The following METTL25 variants were observed in gnomAD, a reference collection of about 807,000 sequenced individuals.
METTL25 encodes the protein methyltransferase like 25, also known as probable methyltransferase-like protein 25.
In METTL25, 64 loss-of-function variants were observed where a neutral mutation model predicts 71.6. The observed-to-expected ratio is 0.89, with a 90% CI of 0.73 to 1.10. METTL25 has a LOEUF of 1.10. Ranked by LOEUF, METTL25 falls within the 50% of genes least tolerant of loss-of-function variation. The pLI, the probability that METTL25 is intolerant of heterozygous loss-of-function variation, is 0.00. For synonymous variants in METTL25, 287 were observed against 250.3 expected (o/e 1.15, Z -1.38); for missense variants, 807 against 707.0 (o/e 1.14, Z -1.60).
At chr12:82,401,559 G>C (rs376838333) in intron 4 of METTL25, among the ~76,000 whole-genome samples, 1 of 151,904 alleles carries the variant, frequency 6.6e-6, no homozygotes, top group East Asian at 1.9e-4. Flanking sequence ...ATTTAGACAG[G>C]CTTTTTCCCG....
At chr12:82,434,012 TGTGA>T (rs567408361) in intron 6 of METTL25, among the ~76,000 whole-genome samples, 16 of 151,202 alleles carry the variant, frequency 1.1e-4, no homozygotes, top group Admixed American at 3.3e-4. Context: ...TATTTTGAAG[TGTGA>T]GTATTTATTA....
At chr12:82,441,614 G>A (rs1435710421) in intron 8 of METTL25, among the ~76,000 whole-genome samples, 4 of 151,634 alleles carry the variant, frequency 2.6e-5, no homozygotes, top group Non-Finnish European at 5.9e-5. Flanking sequence ...AACACAGTAC[G>A]AGTCCCCCGG....
intron 1 of METTL25, among the ~76,000 whole-genome samples, chr12:82,360,975 G>A (rs1350275480): frequency 6.6e-6 from 1 of 152,194 alleles, no homozygotes; most frequent in Admixed American, 6.5e-5. Context: ...CAAACGCAGT[G>A]TGGACCCAAA....
intron 1 of METTL25, among the ~76,000 whole-genome samples, chr12:82,368,991 C>T (rs1882890740): frequency 6.6e-6 from 1 of 152,218 alleles, no homozygotes; most frequent in African/African-American, 2.4e-5. Flanking sequence ...GTATTATCAA[C>T]ACTTCTCTTG....
chr12:82,422,604 T>C (rs962886133), intron 5 of METTL25, among the ~76,000 whole-genome samples: 10 of 152,140 alleles, frequency 6.6e-5, no homozygotes, highest in African/African-American at 2.4e-4. Context: ...GGAAGTCAAA[T>C]TGTCCCTGTT....
intron 5 of METTL25, among the ~76,000 whole-genome samples, chr12:82,408,317 G>A (rs1887260755): frequency 6.6e-6 from 1 of 151,994 alleles, no homozygotes; most frequent in Non-Finnish European, 1.5e-5. Flanking sequence ...ACTCAAAAGG[G>A]CCTAGGAGTG....
chr12:82,464,953 A>C (rs1289971133), intron 9 of METTL25, among the ~76,000 whole-genome samples: 1 of 151,572 alleles, frequency 6.6e-6, no homozygotes, highest in African/African-American at 2.4e-5. Context: ...TGTTGATTTT[A>C]TGTTCTGCAA....
At chr12:82,439,911 A>G (rs1202915011) in intron 8 of METTL25, 6 of 734,504 alleles carry the variant, frequency 8.2e-6, no homozygotes, top group African/African-American at 1.9e-5. Flanking sequence ...GTTCTTTTCT[A>G]AACCTTTCTT....
chr12:82,466,332 G>GT (rs34191300), intron 9 of METTL25, among the ~76,000 whole-genome samples: 20 of 144,542 alleles, frequency 1.4e-4, no homozygotes, highest in African/African-American at 3.3e-4. Flanking sequence ...TTCATTCTTA[G>GT]TTTTTTTTTT....
chr12:82,395,102 A>T (rs1048966496), intron 3 of METTL25, among the ~76,000 whole-genome samples: 4 of 152,136 alleles, frequency 2.6e-5, no homozygotes, highest in Non-Finnish European at 5.9e-5. Context: ...CCACTGGATC[A>T]TTCTTTCTAC....
chr12:82,417,876 G>A lies in METTL25; in HGVS notation c.1280-13017G>A, dbSNP rs7307321. On this transcript the variant is annotated intron_variant, in intron 5 of 11. Coordinates refer to ENST00000248306, the MANE Select transcript of METTL25 (RefSeq NM_032230.3). ...CGTTGAGCAGACAGTTGAAAGATGA[G>A]GGAGCAAGCCATGCAGCTGTCTTGG... is the stretch of plus-strand genomic sequence containing the variant. Among the ~76,000 whole-genome samples the A allele has an allele frequency of 2.9e-3, 444 of 152,206 alleles. 4 individuals carry two copies. The highest frequency in any genetic ancestry group is 0.01 in the African/African-American group (418 of 41,538).
chr12:82,436,052 T>C (rs1337890801), intron 7 of METTL25, among the ~76,000 whole-genome samples: 2 of 151,328 alleles, frequency 1.3e-5, no homozygotes, highest in Non-Finnish European at 3.0e-5. Context: ...ACTTAATGGT[T>C]TTCTAGAGGT....
chr12:82,382,183 T>C (rs1245444610), intron 1 of METTL25, among the ~76,000 whole-genome samples: 1 of 152,178 alleles, frequency 6.6e-6, no homozygotes, highest in African/African-American at 2.4e-5. Context: ...CTGTAGGACA[T>C]TTATGCAGGA....
chr12:82,421,954 A>C (rs1331384364), intron 5 of METTL25, among the ~76,000 whole-genome samples: 1 of 152,228 alleles, frequency 6.6e-6, no homozygotes, highest in Admixed American at 6.5e-5. Context: ...TCACAGCCGA[A>C]TTCTACCAGA....
intron 1 of METTL25, among the ~76,000 whole-genome samples, chr12:82,369,862 G>A (rs1201149792): frequency 3.3e-5 from 5 of 152,122 alleles, no homozygotes; most frequent in South Asian, 2.1e-4. Context: ...TGATTGGTGC[G>A]TTTACAATCC....
chr12:82,404,045 T>G (rs574157692), intron 5 of METTL25, among the ~76,000 whole-genome samples: 32 of 152,264 alleles, frequency 2.1e-4, no homozygotes, highest in East Asian at 1.5e-3. Flanking sequence ...AGGTAAACAT[T>G]GTAATTGTTT....
intron 9 of METTL25, among the ~76,000 whole-genome samples, chr12:82,457,391 G>T (rs1319675716): frequency 6.6e-6 from 1 of 151,836 alleles, no homozygotes; most frequent in Non-Finnish European, 1.5e-5. Context: ...AATGAACTTG[G>T]ATTACTCTGG....
chr12:82,476,216 C>T (rs535696285), intron 9 of METTL25: 1 of 154,514 alleles, frequency 6.5e-6, no homozygotes, highest in East Asian at 1.9e-4. Flanking sequence ...TTAGAAGAAA[C>T]TACCTTAAGT....
At chr12:82,448,774 T>C (rs1890928415) in intron 8 of METTL25, among the ~76,000 whole-genome samples, 1 of 151,332 alleles carries the variant, frequency 6.6e-6, no homozygotes, top group Non-Finnish European at 1.5e-5. Context: ...AACTTGAAGA[T>C]TTTTTGGAGC....
Sources: allele counts gnomAD v4.1 joint callset (sites outside exome capture counted in the v4.1 genomes callset), GRCh38; gene constraint gnomAD v4.1.1; transcripts MANE v1.5; gene names NCBI Gene and HGNC (gene_info 2026-07-23, HGNC 2026-07-21).